The following SLC5A7 variants were observed in gnomAD, a reference collection of about 807,000 sequenced individuals.
The protein encoded by SLC5A7 is solute carrier family 5 member 7.
Under a neutral mutation model 55.4 loss-of-function variants are expected in SLC5A7, and 19 were observed. The ratio of observed to expected loss-of-function variants is 0.34; its 90% confidence interval spans 0.24 to 0.50. The LOEUF is 0.50. Ranked by LOEUF, SLC5A7 falls within the 20% of genes least tolerant of loss-of-function variation. The pLI, the probability that SLC5A7 is intolerant of heterozygous loss-of-function variation, is 0.98. For missense variants in SLC5A7, 506 were observed against 705.3 expected (o/e 0.72, Z 3.20); for synonymous variants, 265 against 263.7 (o/e 1.00, Z -0.05).
At chr2:107,987,660 T>G (rs1345186467) in intron 1 of SLC5A7, among the ~76,000 whole-genome samples, 2 of 152,218 alleles carry the variant, frequency 1.3e-5, no homozygotes, top group Non-Finnish European at 2.9e-5. Flanking sequence ...AATGAATATT[T>G]TAAAATTTTC....
At chr2:107,998,050 A>C in intron 5 of SLC5A7, 64 bp downstream of exon 5, 3 of 1,424,016 alleles carry the variant, frequency 2.1e-6, no homozygotes, top group Non-Finnish European at 2.8e-6. Flanking sequence ...TTTTATACTA[A>C]CTCATTAAAA....
At chr2:107,996,263 AACTC>A (rs1300808786) in intron 4 of SLC5A7, among the ~76,000 whole-genome samples, 1 of 152,230 alleles carries the variant, frequency 6.6e-6, no homozygotes, top group Non-Finnish European at 1.5e-5. Context: ...ATAAAACAAT[AACTC>A]AGTCAGTTAT....
At chr2:108,001,561 T>C (rs892824375) in intron 5 of SLC5A7, among the ~76,000 whole-genome samples, 25 of 147,968 alleles carry the variant, frequency 1.7e-4, no homozygotes, top group Admixed American at 3.4e-4. Context: ...TAGTCCCAGC[T>C]ACTTGGGAGG....
At chr2:108,010,067 GTTTGC>G (rs1484631389) in intron 8 of SLC5A7, among the ~76,000 whole-genome samples, 160 bp from the exon 9 acceptor site, 1 of 152,136 alleles carries the variant, frequency 6.6e-6, no homozygotes. Flanking sequence ...CACCTTGATT[GTTTGC>G]TTTGGGTGCT....
At chr2:108,001,065 A>G (rs555873564) in intron 5 of SLC5A7, among the ~76,000 whole-genome samples, 13 of 151,720 alleles carry the variant, frequency 8.6e-5, no homozygotes, top group African/African-American at 2.9e-4. Flanking sequence ...GCAGCTGAGA[A>G]ATACAATTCT....
At chr2:108,002,626 A>G (rs1677957519) in intron 6 of SLC5A7, among the ~76,000 whole-genome samples, 1 of 152,164 alleles carries the variant, frequency 6.6e-6, no homozygotes, top group African/African-American at 2.4e-5. Context: ...CCATTGAGGC[A>G]AGAGGGAACA....
At chr2:107,996,842 G>A (rs1031064099) in intron 4 of SLC5A7, among the ~76,000 whole-genome samples, 8 of 152,102 alleles carry the variant, frequency 5.3e-5, no homozygotes, top group Admixed American at 5.2e-4. Flanking sequence ...TCAAATCTTA[G>A]GCTCTTCAGT....
intron 5 of SLC5A7, 34 bp downstream of exon 5, chr2:107,998,020 T>C: frequency 1.3e-6 from 2 of 1,588,682 alleles, no homozygotes; most frequent in Non-Finnish European, 1.7e-6. Context: ...TCCTCCTTTT[T>C]TTCTGTAAAA....
chr2:108,000,251 T>C (rs1677830116), intron 5 of SLC5A7, among the ~76,000 whole-genome samples: 1 of 152,126 alleles, frequency 6.6e-6, no homozygotes, highest in African/African-American at 2.4e-5. Flanking sequence ...TTCTACCTGT[T>C]AGTATTGGGC....
chr2:108,009,881 A>G (rs1323770659), intron 8 of SLC5A7, among the ~76,000 whole-genome samples: 1 of 152,176 alleles, frequency 6.6e-6, no homozygotes, highest in African/African-American at 2.4e-5. Flanking sequence ...AATGCCACAT[A>G]AGAACTGTTC....
Position 107,988,271 on chromosome 2 carries a change from G to C in SLC5A7, c.116G>C (p.Ser39Thr). The change falls in exon 2 of 9, where the codon AGC (serine) becomes ACC (threonine). Residue 39 changes from serine to threonine, a missense_variant. Around this residue, in one of 4 missense-constraint regions of SLC5A7, gnomAD observed 56 missense variants for 62.6 expected, o/e 0.89. Coordinates refer to ENST00000264047, the MANE Select transcript of SLC5A7 (RefSeq NM_021815.5). ...TKNSGSAEER[S>T]EAIIVGGRDI... ...AACAGTGGCAGCGCAGAAGAGCGCA[G>C]CGAAGCCATCATAGTTGGTGGCCGA... The C allele has an allele frequency of 6.2e-7, 1 of 1,614,176 alleles. No individual in the cohort carries two copies. Among genetic ancestry groups the C allele is most frequent in the Non-Finnish European group, 8.5e-7 (1 of 1,180,004 alleles).
At chr2:108,009,934 C>G (rs78450577) in intron 8 of SLC5A7, among the ~76,000 whole-genome samples, 1 of 152,126 alleles carries the variant, frequency 6.6e-6, no homozygotes. Flanking sequence ...CTTTATTATA[C>G]CTCCCTGACA....
Position 108,010,420 on chromosome 2 carries a change from G to C in SLC5A7, c.1302G>C (p.Gly434=), listed in dbSNP as rs767552380. ...VLFVKGTNTY[G]AVAGYVSGLF... is the part of the protein sequence containing the mutation. ...TTGTTAAGGGAACCAACACCTATGG[G>C]GCCGTGGCAGGTTATGTTTCTGGCC... Residue 434 remains glycine (G), a synonymous_variant, in exon 9 of 9, where the codon GGG becomes GGC. Coordinates refer to ENST00000264047, the MANE Select transcript of SLC5A7 (RefSeq NM_021815.5). 1.2e-6 allele frequency: 2 copies of C among 1,613,716 alleles called. No individual in the cohort carries two copies. The highest frequency in any genetic ancestry group is 1.7e-6 in the Non-Finnish European group (2 of 1,179,900).
rs1573622599 is a variant in SLC5A7, at chr2:108,013,202, G to A, written c.*2341G>A. The A allele has an allele frequency of 6.8e-6, 1 of 148,096 alleles. No homozygotes were observed. Among genetic ancestry groups the A allele is most frequent in the African/African-American group, 2.6e-5 (1 of 38,790 alleles). 9.2% of individuals were successfully genotyped at this position (148,096 alleles called of 1,614,324 possible). On this transcript the variant is annotated 3_prime_UTR_variant, in exon 9 of 9. Transcript: ENST00000264047. ...CAATTTCTCACAATAGACAGAAACA[G>A]GGGGAAAATGTTTGCCCTGTTCAAA...
intron 1 of SLC5A7, among the ~76,000 whole-genome samples, chr2:107,987,127 A>T (rs1677275949): frequency 6.6e-6 from 1 of 151,748 alleles, no homozygotes; most frequent in South Asian, 2.1e-4. Context: ...ACGTCTCTTC[A>T]CCCACCTGCA....
intron 6 of SLC5A7, among the ~76,000 whole-genome samples, chr2:108,005,685 T>G (rs1394662579): frequency 6.6e-6 from 1 of 152,140 alleles, no homozygotes; most frequent in African/African-American, 2.4e-5. Flanking sequence ...CACTGCCTGG[T>G]GAGGATTCGC....
intron 4 of SLC5A7, among the ~76,000 whole-genome samples, chr2:107,993,483 A>T (rs187580701): frequency 5.9e-4 from 90 of 152,342 alleles, no homozygotes; most frequent in African/African-American, 1.9e-3. Flanking sequence ...TAAAACAAGG[A>T]TTCATGAACC....
chr2:108,010,234 T>G lies in SLC5A7; in HGVS notation c.1116T>G (p.Ala372=), dbSNP rs1417064637. The change falls in exon 9 of 9, where the codon GCT becomes GCG. Residue 372 remains alanine, a splice_region_variant and synonymous_variant. Coordinates refer to ENST00000264047, the MANE Select transcript of SLC5A7 (RefSeq NM_021815.5). ...GACACTGTGGCAATTTCTTACAGGCTTCGGACAAAGAAATCGTTTGGGTTA... is the reference window on the plus strand; with the variant it reads ...GACACTGTGGCAATTTCTTACAGGCGTCGGACAAAGAAATCGTTTGGGTTA... ...NIYQLSFRQN[A]SDKEIVWVMR... 2 of 1,611,760 alleles carry G rather than the reference T, an allele frequency of 1.2e-6. No homozygotes were observed. The highest frequency in any genetic ancestry group is 1.7e-6 in the Non-Finnish European group (2 of 1,178,600).
rs13398078 is a variant in SLC5A7, at chr2:107,987,955, T to C, written c.-51-150T>C. Reference sequence around the variant, plus strand: ...AGTAGGATAATGTAGTGGACACTTATTGTTAACTGCCCGTTTCACGTGTGG... The same window carrying C: ...AGTAGGATAATGTAGTGGACACTTACTGTTAACTGCCCGTTTCACGTGTGG... On this transcript the variant is annotated intron_variant, in intron 1 of 8. Coordinates refer to ENST00000264047, the MANE Select transcript of SLC5A7 (RefSeq NM_021815.5). The C allele has an allele frequency of 0.05, 21,563 of 435,132 alleles. 775 individuals carry two copies. The highest frequency in any genetic ancestry group is 0.12 in the South Asian group (1,656 of 14,172). 27.0% of individuals were successfully genotyped at this position (435,132 alleles called of 1,614,324 possible). A position where few individuals can be genotyped will look rare whatever the true frequency, so the allele number is the denominator to read the frequency against.
Sources: gnomAD v4.1 joint callset for allele counts (sites outside exome capture counted in the v4.1 genomes callset) on GRCh38, gnomAD v4.1.1 for gene constraint, gnomAD v4.1.1 regional missense constraint, MANE v1.5 for transcripts, NCBI Gene and HGNC (gene_info 2026-07-23, HGNC 2026-07-21) for gene names.